The following RYR2 variants were observed in gnomAD, a reference collection of about 807,000 sequenced individuals.
The protein encoded by RYR2 is cardiac muscle ryanodine receptor-calcium release channel.
Under a neutral mutation model 601.1 loss-of-function variants are expected in RYR2, and 227 were observed. The observed-to-expected ratio is 0.38, with a 90% confidence interval of 0.34 to 0.42. RYR2 has a LOEUF of 0.42. RYR2 is among the 10% of genes least tolerant of loss of function. The probability of loss-of-function intolerance (pLI) is 1.00; values close to 1 mark genes in which losing one functional copy is unlikely to be tolerated. For missense variants in RYR2, 4,646 were observed against 6,156.5 expected (o/e 0.75, Z 8.21); for synonymous variants, 2,223 against 2,175.1 (o/e 1.02, Z -0.61).
chr1:237,481,327 A>G (rs1662067306), intron 17 of RYR2, among the ~76,000 whole-genome samples: 1 of 152,110 alleles, frequency 6.6e-6, no homozygotes, highest in African/African-American at 2.4e-5. Flanking sequence ...TTTATCTTAT[A>G]TTGAGACTCA....
At position 237,203,703 on chromosome 1, in the gene RYR2, T is replaced by TA. The variant is rs144597993; in HGVS notation, c.49-66793dup. ...AAAACTGTAGTAAAAATTTTTTTTT[T>TA]ATTGAGGGAAAATTTACACAAAGGA... On this transcript the variant is annotated intron_variant, in intron 1 of 104. Coordinates refer to ENST00000366574, the MANE Select transcript of RYR2 (RefSeq NM_001035.3). Among the ~76,000 whole-genome samples the TA allele has an allele frequency of 2.3e-3, 353 of 152,310 alleles. 1 individual carries two copies. Among genetic ancestry groups the TA allele is most frequent in the African/African-American group, 8.2e-3 (340 of 41,586 alleles).
chr1:237,535,795 T>C (rs1668556743), intron 25 of RYR2, among the ~76,000 whole-genome samples: 1 of 152,168 alleles, frequency 6.6e-6, no homozygotes, highest in African/African-American at 2.4e-5. Context: ...CATTAGAAAA[T>C]GTATCCATTA....
chr1:237,410,944 G>A (rs1375778146), intron 10 of RYR2, among the ~76,000 whole-genome samples: 1 of 152,104 alleles, frequency 6.6e-6, no homozygotes, highest in Non-Finnish European at 1.5e-5. Context: ...AATGTATTGC[G>A]ATGCATACAC....
At chr1:237,492,322 G>A (rs886719017) in intron 18 of RYR2, among the ~76,000 whole-genome samples, 7 of 152,178 alleles carry the variant, frequency 4.6e-5, no homozygotes, top group African/African-American at 1.7e-4. Context: ...ATGAGCCACC[G>A]CGCCTGGGCT....
chr1:237,666,512 G>A lies in RYR2; in HGVS notation c.8437G>A (p.Val2813Ile). The A allele has an allele frequency of 6.2e-7, 1 of 1,610,712 alleles. No individual in the cohort carries two copies. The highest frequency in any genetic ancestry group is 8.5e-7 in the Non-Finnish European group (1 of 1,178,494). ...CTGTTTTTTCACACAAATGATCTAG[G>A]TTTCTGTGGACGCTGCCCATGGTTA... The part of the protein sequence containing the change: ...RTRRISQTSQ[V>I]SVDAAHGYSP... The change falls in exon 57 of 105, where the codon GTT (valine) becomes ATT (isoleucine). Residue 2813 changes from valine (V) to isoleucine (I), a missense_variant and splice_region_variant. Val to Ile is a conservative substitution (Grantham distance 29). This residue lies in a region of RYR2 where 1,497 missense variants were observed against 1,842.6 expected (regional missense o/e 0.81). Coordinates refer to ENST00000366574, the MANE Select transcript of RYR2 (RefSeq NM_001035.3).
chr1:237,588,694 G>A (rs865963066), intron 29 of RYR2, among the ~76,000 whole-genome samples: 1 of 152,070 alleles, frequency 6.6e-6, no homozygotes, highest in Non-Finnish European at 1.5e-5. Context: ...TTAGCCGGAC[G>A]CAGTGGCGTG....
chr1:237,608,434 G>A (rs1435081890), intron 35 of RYR2, among the ~76,000 whole-genome samples: 1 of 152,136 alleles, frequency 6.6e-6, no homozygotes, highest in Non-Finnish European at 1.5e-5. Flanking sequence ...TGGTCTCAGT[G>A]GCTCATGCTT....
chr1:237,512,022 G>A (rs1404067212), intron 24 of RYR2, among the ~76,000 whole-genome samples: 2 of 152,112 alleles, frequency 1.3e-5, no homozygotes, highest in Non-Finnish European at 2.9e-5. Context: ...TGCAAAGGGT[G>A]TCCTACAGGT....
intron 100 of RYR2, among the ~76,000 whole-genome samples, chr1:237,815,232 T>G (rs895908230): frequency 7.2e-5 from 11 of 152,216 alleles, no homozygotes; most frequent in African/African-American, 2.4e-4. Context: ...ACAGCATTAC[T>G]TCTTTCCACC....
chr1:237,059,733 C>A (rs191693729), intron 1 of RYR2, among the ~76,000 whole-genome samples: 2 of 152,118 alleles, frequency 1.3e-5, no homozygotes, highest in Non-Finnish European at 2.9e-5. Flanking sequence ...GCTACATGAT[C>A]GGCTTTGTGG....
rs557277986 is a variant in RYR2 at position 237,492,139 on chromosome 1, C to T, written c.1827+215C>T. 3.3e-5 allele frequency among the ~76,000 whole-genome samples: 5 copies of T among 152,318 alleles called. No homozygotes were observed. The East Asian group carries it at 9.7e-4, about 29-fold the overall frequency. On this transcript the variant is annotated intron_variant, in intron 18 of 104. Transcript: ENST00000366574. ...CCTCCGCCTCTAGGGTTCAAGCATT[C>T]TCCTGTCTCAGCCTCTCAAGTAGCT...
chr1:237,369,811 A>G (rs1700496144), intron 6 of RYR2, among the ~76,000 whole-genome samples: 1 of 152,188 alleles, frequency 6.6e-6, no homozygotes, highest in Admixed American at 6.5e-5. Flanking sequence ...CTTTAATTCT[A>G]TCATTATATG....
intron 1 of RYR2, among the ~76,000 whole-genome samples, chr1:237,066,551 G>T (rs982891273): frequency 7.0e-6 from 1 of 143,868 alleles, no homozygotes; most frequent in Non-Finnish European, 1.5e-5. Context: ...TAGGTGTGTA[G>T]TGATATCTAA....
rs868016634 is a variant in RYR2, at chr1:237,565,190, T to C, written c.3215-1377T>C. 7.9e-4 allele frequency among the ~76,000 whole-genome samples: 70 copies of C among 88,062 alleles called. 1 individual carries two copies. Among genetic ancestry groups the C allele is most frequent in the East Asian group, 4.7e-3 (9 of 1,910 alleles). 57.8% of individuals were successfully genotyped at this position (88,062 alleles called of 152,430 possible). A position where few individuals can be genotyped will look rare whatever the true frequency, so the allele number is the denominator to read the frequency against. On this transcript the variant is annotated intron_variant, in intron 27 of 104. Transcript: ENST00000366574. ...TTCTTTCTTTCTTTCTTTCTTTCTT[T>C]CTTTCTTTCTTTCTTTCTTTCTTTC...
chr1:237,368,864 C>T (rs1700415884), intron 5 of RYR2, among the ~76,000 whole-genome samples: 1 of 151,610 alleles, frequency 6.6e-6, no homozygotes, highest in South Asian at 2.1e-4. Flanking sequence ...TGCTCTGTTG[C>T]CCAGGCTGGA....
chr1:237,217,496 A>G (rs572759691), intron 1 of RYR2, among the ~76,000 whole-genome samples: 1 of 152,276 alleles, frequency 6.6e-6, no homozygotes, highest in East Asian at 1.9e-4. Flanking sequence ...CACATCGCAT[A>G]ACAGCTGTGT....
chr1:237,373,697 A>C (rs1485772876), intron 6 of RYR2, among the ~76,000 whole-genome samples: 1 of 152,206 alleles, frequency 6.6e-6, no homozygotes, highest in Non-Finnish European at 1.5e-5. Context: ...GGAACACGTA[A>C]GGGTGGGAAG....
intron 1 of RYR2, among the ~76,000 whole-genome samples, chr1:237,122,117 G>A (rs1198824078): frequency 6.6e-6 from 1 of 152,204 alleles, no homozygotes; most frequent in African/African-American, 2.4e-5. Flanking sequence ...AAAATGTAGA[G>A]TTACTTAAAT....
At chr1:237,082,524 CAT>C (rs71561856) in intron 1 of RYR2, among the ~76,000 whole-genome samples, 1,212 of 79,974 alleles carry the variant, frequency 0.015, 49 homozygotes, top group East Asian at 0.13. Flanking sequence ...AATAGGAAAA[CAT>C]ATATATATAT....
Sources: allele counts gnomAD v4.1 joint callset (sites outside exome capture counted in the v4.1 genomes callset), GRCh38; gene constraint gnomAD v4.1.1; regional missense constraint gnomAD v4.1.1; transcripts MANE v1.5; gene names NCBI Gene and HGNC (gene_info 2026-07-23, HGNC 2026-07-21).